The following PEBP4 variants were observed in gnomAD, a reference collection of about 807,000 sequenced individuals.
PEBP4 encodes phosphatidylethanolamine binding protein 4.
Under a neutral mutation model 23.9 loss-of-function variants are expected in PEBP4, and 22 were observed. The ratio of observed to expected loss-of-function variants is 0.92; its 90% CI spans 0.66 to 1.31. The LOEUF is 1.31. PEBP4 is among the 40% of genes most tolerant of loss of function. The pLI is 0.00. For missense variants in PEBP4, 324 were observed against 281.7 expected, an observed-to-expected ratio of 1.15 and a Z score of -1.07; for synonymous variants, 112 against 99.3, an observed-to-expected ratio of 1.13 and a Z score of -0.76.
intron 3 of PEBP4, among the ~76,000 whole-genome samples, chr8:22,904,823 G>A (rs1808779716): frequency 6.6e-6 from 1 of 152,098 alleles, no homozygotes; most frequent in South Asian, 2.1e-4. Context: ...GCTTTTTAAT[G>A]GCTATATGGT....
intron 4 of PEBP4, among the ~76,000 whole-genome samples, chr8:22,803,796 G>A (rs78994787): frequency 0.016 from 2,394 of 152,270 alleles, 31 homozygotes; most frequent in Non-Finnish European, 0.025. Context: ...AAAGGGCACC[G>A]TTGTTCACTC....
At chr8:22,762,428 C>T (rs564984838) in intron 4 of PEBP4, among the ~76,000 whole-genome samples, 1 of 152,292 alleles carries the variant, frequency 6.6e-6, no homozygotes, top group South Asian at 2.1e-4. Context: ...ACAGATGTAG[C>T]CAGAATTCTG....
chr8:22,744,370 A>C (rs1805065495), intron 4 of PEBP4, among the ~76,000 whole-genome samples: 1 of 152,174 alleles, frequency 6.6e-6, no homozygotes, highest in Non-Finnish European at 1.5e-5. Context: ...TCTTCCGGTC[A>C]GAGCCTGGAC....
intron 3 of PEBP4, among the ~76,000 whole-genome samples, chr8:22,877,691 C>T (rs1272570121): frequency 2.7e-5 from 4 of 150,918 alleles, no homozygotes; most frequent in Admixed American, 2.0e-4. Context: ...TGTTATGAAA[C>T]CCACGGGGAC....
chr8:22,868,914 C>CG (rs1563243309), intron 3 of PEBP4, among the ~76,000 whole-genome samples: 2 of 152,160 alleles, frequency 1.3e-5, no homozygotes, highest in African/African-American at 4.8e-5. Flanking sequence ...GAGGTCATCT[C>CG]GCTCCTCTAC....
At chr8:22,877,296 G>T (rs1216070069) in intron 3 of PEBP4, among the ~76,000 whole-genome samples, 2 of 152,120 alleles carry the variant, frequency 1.3e-5, no homozygotes, top group African/African-American at 4.8e-5. Flanking sequence ...AGATGATGGG[G>T]CTACGTGTCC....
chr8:22,924,941 GC>G (rs1234325140), intron 2 of PEBP4: 26 of 985,096 alleles, frequency 2.6e-5, no homozygotes, highest in Non-Finnish European at 2.9e-5. Flanking sequence ...ATACCTTTAG[GC>G]ATTGAGTCCA....
chr8:22,860,192 GTA>G (rs57265758), intron 3 of PEBP4, among the ~76,000 whole-genome samples: 30,854 of 67,978 alleles, frequency 0.45, 5,076 homozygotes, highest in East Asian at 0.58. Context: ...ACATATATAT[GTA>G]TATATATATA....
At chr8:22,795,805 T>A (rs4871835) in intron 4 of PEBP4, among the ~76,000 whole-genome samples, 1 of 152,060 alleles carries the variant, frequency 6.6e-6, no homozygotes, top group Non-Finnish European at 1.5e-5. Flanking sequence ...GGTAATATTT[T>A]AACGATATTT....
At chr8:22,720,969 G>A (rs1043883107) in intron 6 of PEBP4, among the ~76,000 whole-genome samples, 23 of 152,162 alleles carry the variant, frequency 1.5e-4, no homozygotes, top group African/African-American at 5.3e-4. Context: ...TGCCAGGCGT[G>A]GTTTGAAAGT....
At chr8:22,769,609 C>T (rs1362061762) in intron 4 of PEBP4, among the ~76,000 whole-genome samples, 2 of 152,136 alleles carry the variant, frequency 1.3e-5, no homozygotes, top group Non-Finnish European at 2.9e-5. Context: ...CCCCAGGCCC[C>T]GCCTCCCCAC....
At chr8:22,714,058 G>A (rs746636336) in intron 6 of PEBP4, among the ~76,000 whole-genome samples, 8 of 152,192 alleles carry the variant, frequency 5.3e-5, no homozygotes, top group East Asian at 1.9e-4. Context: ...ACACCTCCTC[G>A]TCTCTGTCCC....
At chr8:22,893,183 A>G (rs1808527407) in intron 3 of PEBP4, among the ~76,000 whole-genome samples, 1 of 152,194 alleles carries the variant, frequency 6.6e-6, no homozygotes, top group African/African-American at 2.4e-5. Flanking sequence ...AATGCCACAG[A>G]ATTCCTGGGG....
chr8:22,896,753 G>A (rs1437754885), intron 3 of PEBP4, among the ~76,000 whole-genome samples: 1 of 152,032 alleles, frequency 6.6e-6, no homozygotes, highest in African/African-American at 2.4e-5. Flanking sequence ...GAAGGTGTCA[G>A]GTGCCTCAAC....
At chr8:22,820,649 GC>G (rs1806839004) in intron 3 of PEBP4, among the ~76,000 whole-genome samples, 2 of 152,172 alleles carry the variant, frequency 1.3e-5, no homozygotes, top group African/African-American at 4.8e-5. Flanking sequence ...GATCTCAAAG[GC>G]AGGTAAAGTA....
rs550733494 is a variant in PEBP4 at position 22,767,475 on chromosome 8, G to A, written c.358-40255C>T. Among the ~76,000 whole-genome samples the A allele has an allele frequency of 7.9e-5, 12 of 152,232 alleles. No individual in the cohort carries two copies. In the South Asian group the frequency reaches 2.3e-3, roughly 29 times the overall value. On this transcript the variant is annotated intron_variant, in intron 4 of 6. Coordinates refer to ENST00000256404, the MANE Select transcript of PEBP4 (RefSeq NM_144962.3). ...GTGATTTCTCGAGCGGGAAAGAAGA[G>A]TGAGCAGGAACCACTGCTTTCTGCA...
intron 3 of PEBP4, among the ~76,000 whole-genome samples, chr8:22,844,697 G>A (rs1019897786): frequency 1.3e-5 from 2 of 152,218 alleles, no homozygotes; most frequent in African/African-American, 4.8e-5. Context: ...TTCAGGGAGA[G>A]ACCACTCCTT....
intron 3 of PEBP4, among the ~76,000 whole-genome samples, chr8:22,834,992 C>T (rs1807172183): frequency 6.6e-6 from 1 of 152,196 alleles, no homozygotes; most frequent in African/African-American, 2.4e-5. Flanking sequence ...TCCCCAAACA[C>T]ATTTCTATTA....
chr8:22,732,635 T>TGTGTGA (rs960030234), intron 4 of PEBP4, among the ~76,000 whole-genome samples: 21 of 10,942 alleles, frequency 1.9e-3, no homozygotes, highest in African/African-American at 3.6e-3. Context: ...TGGCCCCATT[T>TGTGTGA]GTGTGTGTGT....
Sources: gnomAD v4.1 joint callset for allele counts (sites outside exome capture counted in the v4.1 genomes callset) on GRCh38, gnomAD v4.1.1 for gene constraint, MANE v1.5 for transcripts, NCBI Gene and HGNC (gene_info 2026-07-23, HGNC 2026-07-21) for gene names.